The following PLD1 variants were observed in gnomAD, a reference collection of about 807,000 sequenced individuals.
The protein encoded by PLD1 is choline phosphatase 1.
Under a neutral mutation model 137.1 loss-of-function variants are expected in PLD1, and 112 were observed. The observed-to-expected ratio is 0.82, with a 90% CI of 0.70 to 0.96. The LOEUF is 0.96. PLD1 is among the 40% of genes least tolerant of loss of function. The pLI, the probability that PLD1 is intolerant of heterozygous loss-of-function variation, is 0.00. For missense variants in PLD1, 1,321 were observed against 1,342.0 expected, an observed-to-expected ratio of 0.98 and a Z score of 0.24; for synonymous variants, 431 against 454.7, an observed-to-expected ratio of 0.95 and a Z score of 0.66.
chr3:171,677,974 G>T, intron 16 of PLD1: 1 of 228,320 alleles, frequency 4.4e-6, no homozygotes, highest in Non-Finnish European at 8.6e-6. Flanking sequence ...CCACCTACCA[G>T]ATCACTGGAA....
At chr3:171,730,526 T>C (rs1465759488) in intron 6 of PLD1, among the ~76,000 whole-genome samples, 2 of 152,094 alleles carry the variant, frequency 1.3e-5, no homozygotes, top group Non-Finnish European at 2.9e-5. Context: ...AGGAAAGAAC[T>C]GTCCATGTCT....
rs531469824 is a variant in PLD1, at chr3:171,807,313, G to A, written c.-32+3086C>T. On this transcript the variant is annotated intron_variant, in intron 1 of 26. Coordinates refer to ENST00000351298, the MANE Select transcript of PLD1 (RefSeq NM_002662.5). Reference sequence around the variant, plus strand: ...CTGTCTCAAAAAAAAAAGTTTAAAAGGTGCATTTCTCTAAAGCTACGAGAA... The same window carrying A: ...CTGTCTCAAAAAAAAAAGTTTAAAAAGTGCATTTCTCTAAAGCTACGAGAA... Among the ~76,000 whole-genome samples the A allele has an allele frequency of 4.4e-4, 67 of 151,854 alleles. 1 individual carries two copies. In the South Asian group the frequency reaches 0.011, roughly 24 times the overall value.
chr3:171,764,929 GAAAGGAAAGAAAGAAAGAAAGAAA>G (rs1721817555), intron 1 of PLD1, among the ~76,000 whole-genome samples: 3 of 12,844 alleles, frequency 2.3e-4, no homozygotes, highest in African/African-American at 9.2e-4. Context: ...AGAAAGGAAA[GAAAGGAAAGAAAGAAAGAAAGAAA>G]GAAAGAAAGA....
chr3:171,725,963 G>T, intron 7 of PLD1, 55 bp downstream of exon 7: 2 of 1,168,230 alleles, frequency 1.7e-6, no homozygotes, highest in Non-Finnish European at 1.3e-6. Context: ...GCTACGTTAA[G>T]TGTGAATGCA....
chr3:171,650,328 G>A (rs964106830), intron 21 of PLD1, among the ~76,000 whole-genome samples: 6 of 152,200 alleles, frequency 3.9e-5, no homozygotes, highest in African/African-American at 1.4e-4. Context: ...GAACTCCAGA[G>A]AAATGTGGAG....
At chr3:171,692,011 A>G (rs1715207588) in intron 13 of PLD1, among the ~76,000 whole-genome samples, 1 of 152,218 alleles carries the variant, frequency 6.6e-6, no homozygotes, top group African/African-American at 2.4e-5. Context: ...ATCACATCTA[A>G]GAGGTTCCAG....
chr3:171,808,025 G>A (rs888520867), intron 1 of PLD1, among the ~76,000 whole-genome samples: 2 of 152,122 alleles, frequency 1.3e-5, no homozygotes, highest in Admixed American at 6.5e-5. Flanking sequence ...GTAAACATTG[G>A]GTACTTATGG....
intron 13 of PLD1, among the ~76,000 whole-genome samples, chr3:171,691,025 C>G (rs1715102861): frequency 6.6e-6 from 1 of 152,096 alleles, no homozygotes; most frequent in African/African-American, 2.4e-5. Flanking sequence ...ATTTTTATAT[C>G]TTGCTGTATT....
intron 1 of PLD1, chr3:171,764,995 A>G (rs1258715746): frequency 6.8e-6 from 1 of 147,788 alleles, no homozygotes; most frequent in Non-Finnish European, 1.5e-5. Context: ...AGAAAGAAAG[A>G]AAGAAAGAAA....
intron 23 of PLD1, among the ~76,000 whole-genome samples, chr3:171,627,720 T>G (rs1368631700): frequency 6.6e-6 from 1 of 152,108 alleles, no homozygotes; most frequent in Non-Finnish European, 1.5e-5. Flanking sequence ...TCAAAACTGC[T>G]CAACTACATG....
intron 23 of PLD1, among the ~76,000 whole-genome samples, chr3:171,623,903 T>G (rs181572574): frequency 4.7e-5 from 7 of 149,614 alleles, no homozygotes; most frequent in Non-Finnish European, 3.0e-5. Context: ...GAGATAAAAA[T>G]GTAAGCAAAT....
chr3:171,652,947 T>C (rs1736912258), intron 21 of PLD1, among the ~76,000 whole-genome samples: 1 of 152,048 alleles, frequency 6.6e-6, no homozygotes, highest in African/African-American at 2.4e-5. Flanking sequence ...AATAAAGTAT[T>C]TTTCATAGAT....
chr3:171,767,232 G>A (rs1204702410), intron 1 of PLD1, among the ~76,000 whole-genome samples: 2 of 152,170 alleles, frequency 1.3e-5, no homozygotes, highest in African/African-American at 4.8e-5. Flanking sequence ...CAATGCAGTG[G>A]GCTATTCTCC....
At chr3:171,724,937 T>A in intron 7 of PLD1, 149 bp from the exon 8 acceptor site, 1 of 647,512 alleles carries the variant, frequency 1.5e-6, no homozygotes, top group Admixed American at 2.3e-5. Context: ...ACTAGCTCAG[T>A]GCCCTGTTAG....
At position 171,689,822 on chromosome 3, in the gene PLD1, C is replaced by T. The variant is rs1560219770; in HGVS notation, c.1339-946G>A. On this transcript the variant is annotated intron_variant, in intron 13 of 26. Transcript: ENST00000351298. ...TGGCCTTACTGTTTTCTTAATAACA[C>T]ATTTTTTAAAAATTGTAGTAAAGTA... Among the ~76,000 whole-genome samples, 5 of 152,198 alleles carry T rather than the reference C, an allele frequency of 3.3e-5. No homozygotes were observed. In the South Asian group the frequency reaches 1.0e-3, roughly 32 times the overall value.
chr3:171,805,359 G>C (rs545996855), intron 1 of PLD1, among the ~76,000 whole-genome samples: 2 of 152,342 alleles, frequency 1.3e-5, no homozygotes, highest in South Asian at 4.1e-4. Context: ...GACCTGCCAT[G>C]ACCCAGTCGG....
At chr3:171,790,131 G>C (rs527413319) in intron 1 of PLD1, among the ~76,000 whole-genome samples, 6 of 152,330 alleles carry the variant, frequency 3.9e-5, no homozygotes, top group African/African-American at 1.4e-4. Context: ...ATTATCCTGA[G>C]TAGAACTGAG....
intron 1 of PLD1, among the ~76,000 whole-genome samples, chr3:171,781,178 C>A (rs1007686935): frequency 6.6e-6 from 1 of 150,866 alleles, no homozygotes; most frequent in Non-Finnish European, 1.5e-5. Flanking sequence ...CATGGTCACT[C>A]GATTTTCATG....
chr3:171,670,742 T>C (rs1286878349), intron 19 of PLD1, among the ~76,000 whole-genome samples: 1 of 152,238 alleles, frequency 6.6e-6, no homozygotes, highest in Non-Finnish European at 1.5e-5. Context: ...TTTACTTAGA[T>C]ATTTTCCTTT....
Sources: allele counts gnomAD v4.1 joint callset (sites outside exome capture counted in the v4.1 genomes callset), GRCh38; gene constraint gnomAD v4.1.1; transcripts MANE v1.5; gene names NCBI Gene and HGNC (gene_info 2026-07-23, HGNC 2026-07-21).